Variants in SGK1 observed in about 807,000 individuals in gnomAD.
SGK1 encodes serum/glucocorticoid regulated kinase 1, also known as serine/threonine-protein kinase Sgk1.
SGK1 carries 26 observed loss-of-function variants against 64.2 expected under a neutral mutation model. That is an observed-to-expected ratio of 0.40 (90% CI 0.30 to 0.56). The LOEUF (loss-of-function observed/expected upper bound fraction) is 0.56, where lower values mean the gene tolerates loss of function less well. Ranked by LOEUF, SGK1 falls within the 20% of genes least tolerant of loss-of-function variation. The probability of loss-of-function intolerance (pLI) is 0.38; values close to 1 mark genes in which losing one functional copy is unlikely to be tolerated. For synonymous variants in SGK1, 265 were observed against 239.7 expected (o/e 1.11, Z -0.98); for missense variants, 519 against 645.6 (o/e 0.80, Z 2.12).
intron 3 of SGK1, among the ~76,000 whole-genome samples, chr6:134,189,246 G>A (rs2114663072): frequency 6.6e-6 from 1 of 151,930 alleles, no homozygotes; most frequent in African/African-American, 2.4e-5. Flanking sequence ...GTGTGCATGT[G>A]TGTATATATA....
intron 3 of SGK1, among the ~76,000 whole-genome samples, chr6:134,200,511 C>A (rs1361404033): frequency 6.6e-6 from 1 of 152,170 alleles, no homozygotes; most frequent in Non-Finnish European, 1.5e-5. Flanking sequence ...ATGAAACTAC[C>A]TTGAATAATT....
chr6:134,194,762 A>G (rs1033086774), intron 3 of SGK1, among the ~76,000 whole-genome samples: 2 of 152,132 alleles, frequency 1.3e-5, no homozygotes, highest in Non-Finnish European at 2.9e-5. Context: ...ACCTCAAGTG[A>G]TGCGCCCGCC....
At chr6:134,196,477 AAAT>A (rs1049005474) in intron 3 of SGK1, among the ~76,000 whole-genome samples, 3 of 151,556 alleles carry the variant, frequency 2.0e-5, no homozygotes, top group East Asian at 1.9e-4. Flanking sequence ...AAAAAAATTA[AAAT>A]AATAATAATA....
rs536567255 is a variant in SGK1 at position 134,169,339 on chromosome 6, C to T, written c.*929G>A. 3 of 152,642 alleles carry T rather than the reference C, an allele frequency of 2.0e-5. No individual in the cohort carries two copies. The highest frequency in any genetic ancestry group is 7.2e-5 in the African/African-American group (3 of 41,512). The allele number at this position is 152,642 out of a possible 1,614,324, so 9.5% of individuals were successfully genotyped here. Reference sequence around the variant, plus strand: ...GTGATGGGATGAGGGAAGGATTGTACGTATTATAACCATGTTAATTACAGT... The same window carrying T: ...GTGATGGGATGAGGGAAGGATTGTATGTATTATAACCATGTTAATTACAGT... On this transcript the variant is annotated 3_prime_UTR_variant, in exon 14 of 14. Coordinates refer to ENST00000367858, the MANE Select transcript of SGK1 (RefSeq NM_001143676.3).
At chr6:134,241,035 CTTTTCTTTTTTTCTTTT>C (rs1293927037) in intron 2 of SGK1, among the ~76,000 whole-genome samples, 3 of 74,154 alleles carry the variant, frequency 4.0e-5, no homozygotes, top group Non-Finnish European at 6.7e-5. Context: ...GAAGATGTTT[CTTTTCTTTTTTTCTTTT>C]TTTTTTTTTT....
intron 1 of SGK1, among the ~76,000 whole-genome samples, chr6:134,289,603 C>CT (rs1005513522): frequency 5.9e-5 from 9 of 151,610 alleles, no homozygotes; most frequent in East Asian, 3.9e-4. Context: ...TTTATATTCT[C>CT]TTTTTTTTTC....
rs546824655 is a variant in SGK1 at position 134,237,437 on chromosome 6, A to G, written c.285+24496T>C. The stretch of plus-strand genomic sequence containing the variant: ...ATGCCTGTAATCCCAGCACTTTGGG[A>G]GGCCAAGGCAGGCAGATCACTTGAG... On this transcript the variant is annotated intron_variant, in intron 2 of 13. Transcript: ENST00000367858. Among the ~76,000 whole-genome samples, 382 of 151,836 alleles carry G rather than the reference A, an allele frequency of 2.5e-3. 2 individuals are homozygous for G. The highest frequency in any genetic ancestry group is 4.0e-3 in the Non-Finnish European group (271 of 67,950).
intron 1 of SGK1, among the ~76,000 whole-genome samples, chr6:134,294,305 G>A (rs910172775): frequency 1.2e-4 from 19 of 152,012 alleles, no homozygotes; most frequent in Admixed American, 9.8e-4. Context: ...GTACAATGAC[G>A]TTGTTGAGCA....
Position 134,241,910 on chromosome 6 carries a change from G to A in SGK1, c.285+20023C>T, listed in dbSNP as rs543774029. On this transcript the variant is annotated intron_variant, in intron 2 of 13. Coordinates refer to ENST00000367858, the MANE Select transcript of SGK1 (RefSeq NM_001143676.3). ...GCTGGGATTACAGGCATGAGCCACC[G>A]TGCCCAGCCTTGTTTTATTATATGA... Among the ~76,000 whole-genome samples the A allele has an allele frequency of 4.6e-5, 7 of 152,030 alleles. No homozygotes were observed. The South Asian group carries it at 1.0e-3, about 23-fold the overall frequency.
intron 2 of SGK1, among the ~76,000 whole-genome samples, chr6:134,221,931 G>C (rs919341432): frequency 6.6e-6 from 1 of 152,140 alleles, no homozygotes; most frequent in Admixed American, 6.5e-5. Flanking sequence ...AGGATTACAG[G>C]TGTGAGCTAC....
chr6:134,219,212 AT>A, intron 2 of SGK1, among the ~76,000 whole-genome samples: 1 of 151,888 alleles, frequency 6.6e-6, no homozygotes, highest in East Asian at 2.0e-4. Context: ...GGGTTTCATC[AT>A]GTTGGCCAGG....
At chr6:134,175,445 G>A (rs1262572196) in intron 3 of SGK1, 2 of 1,308,870 alleles carry the variant, frequency 1.5e-6, no homozygotes, top group African/African-American at 3.1e-5. Flanking sequence ...CCGCCGCCGG[G>A]ACCCCGGCCC....
rs1455974871 is a variant in SGK1, at chr6:134,297,496, T to A, written c.69+19896A>T. 6.8e-6 allele frequency: 4 copies of A among 588,094 alleles called. No homozygotes were observed. In the African/African-American group the frequency reaches 7.4e-5, roughly 11 times the overall value. The allele number at this position is 588,094 out of a possible 1,614,324, so 36.4% of individuals were successfully genotyped here. A position where few individuals can be genotyped will look rare whatever the true frequency, so the allele number is the denominator to read the frequency against. On this transcript the variant is annotated intron_variant, in intron 1 of 13. Coordinates refer to ENST00000367858, the MANE Select transcript of SGK1 (RefSeq NM_001143676.3). ...TGGAGCCAGCTGATGTTCCGGTTCATCTTGGAGATCTCTGTCTTGTTTTTG... is the reference window on the plus strand; with the variant it reads ...TGGAGCCAGCTGATGTTCCGGTTCAACTTGGAGATCTCTGTCTTGTTTTTG...
At position 134,286,784 on chromosome 6, in the gene SGK1, A is replaced by T. The variant is rs560910159; in HGVS notation, c.70-24636T>A. 4.4e-3 allele frequency among the ~76,000 whole-genome samples: 669 copies of T among 152,246 alleles called. 9 individuals carry two copies. Among genetic ancestry groups the T allele is most frequent in the African/African-American group, 0.015 (635 of 41,540 alleles). ...GCCTGGCCTAAAAACACAAATTTTT[A>T]AAAAAGAGTATATTTAGTTATCTGG... On this transcript the variant is annotated intron_variant, in intron 1 of 13. Coordinates refer to ENST00000367858, the MANE Select transcript of SGK1 (RefSeq NM_001143676.3).
intron 2 of SGK1, among the ~76,000 whole-genome samples, chr6:134,229,123 G>C (rs913587963): frequency 6.6e-6 from 1 of 152,186 alleles, no homozygotes; most frequent in Non-Finnish European, 1.5e-5. Flanking sequence ...GAGCCACCGC[G>C]CCCAGCGCGG....
At chr6:134,259,588 G>C (rs1776732853) in intron 2 of SGK1, among the ~76,000 whole-genome samples, 1 of 152,230 alleles carries the variant, frequency 6.6e-6, no homozygotes, top group Non-Finnish European at 1.5e-5. Flanking sequence ...AGGTTGCAGT[G>C]AGCTGAGATC....
chr6:134,257,131 G>T (rs992354151), intron 2 of SGK1: 1 of 152,446 alleles, frequency 6.6e-6, no homozygotes, highest in Non-Finnish European at 1.5e-5. Context: ...GGGAATACCA[G>T]GTGCTGTAGG....
intron 3 of SGK1, among the ~76,000 whole-genome samples, chr6:134,194,347 T>G (rs1775563858): frequency 6.6e-6 from 1 of 152,100 alleles, no homozygotes; most frequent in Admixed American, 6.6e-5. Flanking sequence ...ATTTGGAGCT[T>G]TAACCAGTCA....
chr6:134,219,346 G>A (rs1168196150), intron 2 of SGK1, among the ~76,000 whole-genome samples: 1 of 152,060 alleles, frequency 6.6e-6, no homozygotes, highest in Admixed American at 6.6e-5. Flanking sequence ...ACAGAGCCAT[G>A]TCCAAACACC....
Sources: gnomAD v4.1 joint callset for allele counts (sites outside exome capture counted in the v4.1 genomes callset) on GRCh38, gnomAD v4.1.1 for gene constraint, MANE v1.5 for transcripts, NCBI Gene and HGNC (gene_info 2026-07-23, HGNC 2026-07-21) for gene names.